Variants in CYP4F8 observed in about 807,000 individuals in gnomAD.
CYP4F8 encodes the protein cytochrome P450 4F8.
In CYP4F8, 56 loss-of-function variants were observed where a neutral mutation model predicts 55.0. That is an observed-to-expected ratio of 1.02 (90% CI 0.82 to 1.27). CYP4F8 has a LOEUF of 1.27. Among genes scored for constraint, CYP4F8 ranks in the 50% most tolerant of loss-of-function variants. The probability of loss-of-function intolerance (pLI) is 0.00; values close to 1 mark genes in which losing one functional copy is unlikely to be tolerated. For missense variants in CYP4F8, 680 were observed against 682.4 expected (o/e 1.00, Z 0.04); for synonymous variants, 288 against 267.3 (o/e 1.08, Z -0.76).
chr19:15,616,598 A>C (rs1156509929), intron 2 of CYP4F8, among the ~76,000 whole-genome samples: 1 of 152,068 alleles, frequency 6.6e-6, no homozygotes, highest in Non-Finnish European at 1.5e-5. Flanking sequence ...GTTTTCCCAT[A>C]GGAAGTAGCT....
In CYP4F8 at chr19:15,623,732, A is replaced by C. The variant is rs752305916; in HGVS notation, c.952A>C (p.Ile318Leu). 2.5e-6 allele frequency: 4 copies of C among 1,614,136 alleles called. No homozygotes were observed. Among genetic ancestry groups the C allele is most frequent in the Non-Finnish European group, 3.4e-6 (4 of 1,180,034 alleles). Residue 318 changes from isoleucine (I) to leucine (L), a missense_variant, in exon 8 of 13, where the codon ATA (isoleucine) becomes CTA (leucine). Coordinates refer to ENST00000612078, the MANE Select transcript of CYP4F8 (RefSeq NM_007253.4). ...TGGTAAAGAGTTGTCAGATGAGGAC[A>C]TAAGAGCAGAAGCTGACACTTTCAT... The part of the protein sequence containing the change: ...KNGKELSDED[I>L]RAEADTFMFG...
intron 2 of CYP4F8, among the ~76,000 whole-genome samples, chr19:15,616,409 G>T (rs183982947): frequency 1.3e-5 from 2 of 152,272 alleles, no homozygotes; most frequent in Non-Finnish European, 2.9e-5. Context: ...TTTCCTGACT[G>T]TTTTCAGTAC....
In CYP4F8 at chr19:15,623,288, C is replaced by T. The variant is rs2144607512; in HGVS notation, c.831C>T (p.Thr277=). 9.3e-6 allele frequency: 15 copies of T among 1,614,022 alleles called. No homozygotes were observed. Among genetic ancestry groups the T allele is most frequent in the Middle Eastern group, 1.6e-4 (1 of 6,062 alleles). Residue 277 remains threonine, a synonymous_variant, in exon 7 of 13, where the codon ACC becomes ACT. Transcript: ENST00000612078. The part of the protein sequence containing the change: ...TDAVIQERRR[T]LTSQGVDDFL... ...CCGTCATCCAGGAGCGGCGCCGCAC[C>T]CTCACTAGCCAGGGTGTTGATGACT... is the stretch of plus-strand genomic sequence containing the variant.
rs749764848 is a variant in CYP4F8 at position 15,618,054 on chromosome 19, C to T, written c.253C>T (p.Pro85Ser). The part of the protein sequence containing the change: ...RVLTQLVATY[P>S]QGFVRWLGPI... ...CCTGACCCAGCTGGTGGCCACCTACCCCCAGGGCTTTGTGAGGTGGTTGGG... is the reference window on the plus strand; with the variant it reads ...CCTGACCCAGCTGGTGGCCACCTACTCCCAGGGCTTTGTGAGGTGGTTGGG... Residue 85 changes from proline (P) to serine (S), a missense_variant, in exon 3 of 13, where the codon CCC (proline) becomes TCC (serine). Transcript: ENST00000612078. 3.1e-6 allele frequency: 5 copies of T among 1,614,114 alleles called. No individual in the cohort carries two copies. In the South Asian group the frequency reaches 4.4e-5, roughly 14 times the overall value.
At position 15,615,680 on chromosome 19, in the gene CYP4F8, C is replaced by T. The variant is rs1327308304; in HGVS notation, c.64C>T (p.Leu22=). 6.2e-7 allele frequency: 1 copy of T among 1,613,936 alleles called. No individual in the cohort carries two copies. Among genetic ancestry groups the T allele is most frequent in the Non-Finnish European group, 8.5e-7 (1 of 1,179,974 alleles). ...GGTGGCAGCATCCCCGTGGCTGCTC[C>T]TGCTGGTGGTCGGGGCCTCCTGGCT... ...RPVAASPWLL[L]LVVGASWLLA... is the part of the protein sequence containing the mutation. The change falls in exon 2 of 13, where the codon CTG becomes TTG. Residue 22 remains leucine (L), a synonymous_variant. Transcript: ENST00000612078.
chr19:15,615,893 G>A, intron 2 of CYP4F8, 79 bp downstream of exon 2: 1 of 729,242 alleles, frequency 1.4e-6, no homozygotes, highest in Admixed American at 4.0e-5. Context: ...GTGGGCTCGG[G>A]TCTGGGACGG....
At chr19:15,618,818 GCCCTCTTGCTCCAGGC>G (rs1972156547) in intron 3 of CYP4F8, 1 of 181,094 alleles carries the variant, frequency 5.5e-6, no homozygotes, top group Non-Finnish European at 1.2e-5. Context: ...TATGTTCATT[GCCCTCTTGCTCCAGGC>G]CCCAGGAATC....
intron 3 of CYP4F8, chr19:15,618,811 GT>G: frequency 5.3e-6 from 1 of 188,042 alleles, no homozygotes; most frequent in Non-Finnish European, 1.1e-5. Context: ...TCCACCATAT[GT>G]TCATTGCCCT....
chr19:15,617,082 G>T (rs1043473921), intron 2 of CYP4F8, among the ~76,000 whole-genome samples: 2 of 152,162 alleles, frequency 1.3e-5, no homozygotes, highest in African/African-American at 4.8e-5. Context: ...GCCCAGCCAG[G>T]ACATAAAAGG....
intron 5 of CYP4F8, among the ~76,000 whole-genome samples, 190 bp downstream of exon 5, chr19:15,619,952 T>C (rs1428543541): frequency 6.6e-6 from 1 of 152,160 alleles, no homozygotes; most frequent in East Asian, 1.9e-4. Flanking sequence ...CTCATGTCTC[T>C]GACACTTAGT....
intron 6 of CYP4F8, among the ~76,000 whole-genome samples, 154 bp downstream of exon 6, chr19:15,622,494 G>A (rs1338953488): frequency 2.6e-5 from 4 of 151,958 alleles, no homozygotes; most frequent in South Asian, 2.1e-4. Context: ...GAGAGAGAGA[G>A]CGAGAGAAAG....
At chr19:15,617,456 A>G (rs1242672473) in intron 2 of CYP4F8, among the ~76,000 whole-genome samples, 4 of 152,282 alleles carry the variant, frequency 2.6e-5, no homozygotes, top group African/African-American at 9.6e-5. Context: ...CTCCAGAGTA[A>G]TAGAATTAAT....
chr19:15,618,081 C>T lies in CYP4F8; in HGVS notation c.280C>T (p.Pro94Ser), dbSNP rs1440743323. 1 of 1,613,962 alleles carries T rather than the reference C, an allele frequency of 6.2e-7. No individual in the cohort carries two copies. The highest frequency in any genetic ancestry group is 1.3e-5 in the African/African-American group (1 of 74,896). Residue 94 changes from proline to serine, a missense_variant, in exon 3 of 13, where the codon CCC (proline) becomes TCC (serine). Coordinates refer to ENST00000612078, the MANE Select transcript of CYP4F8 (RefSeq NM_007253.4). The part of the protein sequence containing the change: ...YPQGFVRWLG[P>S]ITPIINLCHP... ...CCAGGGCTTTGTGAGGTGGTTGGGC[C>T]CCATCACTCCCATCATCAACTTGTG...
intron 5 of CYP4F8, among the ~76,000 whole-genome samples, chr19:15,620,493 C>T: frequency 6.6e-6 from 1 of 152,144 alleles, no homozygotes; most frequent in East Asian, 1.9e-4. Context: ...CCGCCTCAAG[C>T]AATTCTCCTG....
At position 15,623,999 on chromosome 19, in the gene CYP4F8, C is replaced by A. The variant is rs774299766; in HGVS notation, c.1020C>A (p.Val340=). ...HDTTASGLSW[V]LYNLARHPEY... is the part of the protein sequence containing the mutation. ...CCACGGCCAGTGGCCTCTCCTGGGT[C>A]TTGTACAACCTCGCGAGGCACCCAG... is the stretch of plus-strand genomic sequence containing the variant. Residue 340 remains valine, a synonymous_variant, in exon 9 of 13, where the codon GTC becomes GTA. Transcript: ENST00000612078. The A allele has an allele frequency of 3.1e-6, 5 of 1,614,072 alleles. No homozygotes were observed. In the African/African-American group the frequency reaches 6.7e-5, roughly 22 times the overall value.
At position 15,623,967 on chromosome 19, in the gene CYP4F8, C is replaced by A. The variant is rs914178596; in HGVS notation, c.988C>A (p.His330Asn). 1.2e-6 allele frequency: 2 copies of A among 1,614,146 alleles called. No individual in the cohort carries two copies. The highest frequency in any genetic ancestry group is 1.7e-6 in the Non-Finnish European group (2 of 1,180,004). ...AEADTFMFGG[H>N]DTTASGLSWV... ...AAGCCTGCCTGGCTGACCCTCAGGCCATGACACCACGGCCAGTGGCCTCTC... is the reference window on the plus strand; with the variant it reads ...AAGCCTGCCTGGCTGACCCTCAGGCAATGACACCACGGCCAGTGGCCTCTC... The change falls in exon 9 of 13, where the codon CAT becomes AAT. Residue 330 changes from histidine (H) to asparagine (N), a missense_variant and splice_region_variant. Transcript: ENST00000612078.
chr19:15,620,778 C>A (rs999107551), intron 5 of CYP4F8, among the ~76,000 whole-genome samples: 7 of 152,268 alleles, frequency 4.6e-5, no homozygotes, highest in Admixed American at 3.3e-4. Context: ...CAATGTGGGG[C>A]AAAATAGGCT....
rs1972146886 is a variant in CYP4F8 at position 15,618,100 on chromosome 19, A to G, written c.299A>G (p.Asn100Ser). 6.2e-7 allele frequency: 1 copy of G among 1,613,970 alleles called. No individual in the cohort carries two copies. ...TTGGGCCCCATCACTCCCATCATCA[A>G]CTTGTGCCACCCTGACATCGTCCGA... Reference protein sequence around the residue: ...RWLGPITPIINLCHPDIVRSV... With the variant: ...RWLGPITPIISLCHPDIVRSV... The change falls in exon 3 of 13, where the codon AAC becomes AGC. Residue 100 changes from asparagine (N) to serine (S), a missense_variant. By Grantham distance (46) the Asn-to-Ser change is conservative. Coordinates refer to ENST00000612078, the MANE Select transcript of CYP4F8 (RefSeq NM_007253.4).
chr19:15,624,969 A>C (rs1568384413), intron 9 of CYP4F8, among the ~76,000 whole-genome samples: 1 of 152,042 alleles, frequency 6.6e-6, no homozygotes, highest in Non-Finnish European at 1.5e-5. Flanking sequence ...GTTATGCAAA[A>C]TGTTGCCTCG....
Sources: allele counts gnomAD v4.1 joint callset (sites outside exome capture counted in the v4.1 genomes callset), GRCh38; gene constraint gnomAD v4.1.1; transcripts MANE v1.5; gene names NCBI Gene and HGNC (gene_info 2026-07-23, HGNC 2026-07-21).